Variants in LMNTD1 observed in about 807,000 individuals in gnomAD.
LMNTD1 encodes the protein lamin tail domain containing 1, also known as lamin tail domain-containing protein 1.
A neutral mutation model predicts 50.9 loss-of-function variants in LMNTD1; 35 were observed. That is an observed-to-expected ratio of 0.69 (90% CI 0.53 to 0.91). The LOEUF is 0.91. Among genes scored for constraint, LMNTD1 ranks in the 40% least tolerant of loss-of-function variants. The pLI, the probability that LMNTD1 is intolerant of heterozygous loss-of-function variation, is 0.00. For synonymous variants in LMNTD1, 153 were observed against 161.9 expected (o/e 0.94, Z 0.42); for missense variants, 470 against 475.5 (o/e 0.99, Z 0.11).
At chr12:25,587,887 A>C (rs4963900) in intron 1 of LMNTD1, among the ~76,000 whole-genome samples, 19,805 of 152,174 alleles carry the variant, frequency 0.13, 1,547 homozygotes, top group East Asian at 0.34. Context: ...ATATCAGTAC[A>C]TTTTTTAAAA....
chr12:25,546,223 T>C, intron 4 of LMNTD1, 151 bp downstream of exon 4: 1 of 401,756 alleles, frequency 2.5e-6, no homozygotes, highest in Non-Finnish European at 4.3e-6. Context: ...TTATTTTAAT[T>C]GCTCAGAAGA....
intron 1 of LMNTD1, among the ~76,000 whole-genome samples, chr12:25,631,857 G>C (rs1946725925): frequency 6.6e-6 from 1 of 152,030 alleles, no homozygotes; most frequent in Non-Finnish European, 1.5e-5. Flanking sequence ...AATCAGGGAG[G>C]GACCAGAGAA....
At chr12:25,511,624 C>T (rs1940302114) in intron 8 of LMNTD1, among the ~76,000 whole-genome samples, 2 of 152,180 alleles carry the variant, frequency 1.3e-5, no homozygotes, top group Non-Finnish European at 2.9e-5. Context: ...CTTTTAAACA[C>T]AGATCTAACT....
rs547211172 is a variant in LMNTD1 at position 25,591,050 on chromosome 12, A to G, written c.59-44496T>C. On this transcript the variant is annotated intron_variant, in intron 1 of 7. Transcript: ENST00000445693. ...ACTTGAGAAAAGTGAAGGGAAAAGC[A>G]AAGGAGACTTTGTCTTGTACCTTAG... Among the ~76,000 whole-genome samples the G allele has an allele frequency of 3.3e-5, 5 of 152,290 alleles. No homozygotes were observed. The South Asian group carries it at 1.0e-3, about 32-fold the overall frequency.
chr12:25,584,932 T>C (rs1474283581), intron 1 of LMNTD1, among the ~76,000 whole-genome samples: 1 of 152,244 alleles, frequency 6.6e-6, no homozygotes, highest in African/African-American at 2.4e-5. Flanking sequence ...ATTTTCAAAC[T>C]TTCTTTGCAT....
chr12:25,524,660 G>T (rs555743415), intron 6 of LMNTD1, among the ~76,000 whole-genome samples: 1 of 152,108 alleles, frequency 6.6e-6, no homozygotes, highest in Non-Finnish European at 1.5e-5. Context: ...TCTGAGATAA[G>T]AATGTCTTAA....
chr12:25,494,421 TTAAA>T (rs1465189046), intron 9 of LMNTD1, among the ~76,000 whole-genome samples: 3 of 152,038 alleles, frequency 2.0e-5, no homozygotes, highest in Non-Finnish European at 4.4e-5. Flanking sequence ...GCTGTAAAAT[TTAAA>T]TAACAGGCTG....
In LMNTD1 at chr12:25,616,091, A is replaced by G. The variant is rs535346499; in HGVS notation, c.58+32403T>C. ...CTCACCCTCCCACCCCGACACACAC[A>G]TAACACACACACACACACACACACA... On this transcript the variant is annotated intron_variant, in intron 1 of 7. Coordinates refer to the LMNTD1 transcript ENST00000445693. Among the ~76,000 whole-genome samples, 6 of 126,652 alleles carry G rather than the reference A, an allele frequency of 4.7e-5. No homozygotes were observed. In the East Asian group the frequency reaches 2.1e-3, roughly 45 times the overall value. The allele number at this position is 126,652 out of a possible 152,430, so 83.1% of individuals were successfully genotyped here. A position where few individuals can be genotyped will look rare whatever the true frequency, so the allele number is the denominator to read the frequency against.
upstream of LMNTD1, among the ~76,000 whole-genome samples, chr12:25,556,629 G>A (rs140712124): frequency 1.4e-3 from 219 of 152,186 alleles, no homozygotes; most frequent in Non-Finnish European, 2.5e-3. Context: ...TTTACCCCGC[G>A]TTGGGAAAGT....
intron 1 of LMNTD1, among the ~76,000 whole-genome samples, chr12:25,566,945 G>A (rs1377018334): frequency 6.6e-6 from 1 of 152,244 alleles, no homozygotes; most frequent in East Asian, 1.9e-4. Context: ...GTGCAAATGA[G>A]AGAATGGAAG....
intron 9 of LMNTD1, among the ~76,000 whole-genome samples, chr12:25,501,543 A>G (rs971888169): frequency 1.3e-5 from 2 of 152,138 alleles, no homozygotes; most frequent in Non-Finnish European, 2.9e-5. Context: ...TGGAAGAGCA[A>G]TGGCATCATG....
chr12:25,482,547 A>T (rs1938478833), intron 9 of LMNTD1, among the ~76,000 whole-genome samples: 2 of 152,068 alleles, frequency 1.3e-5, no homozygotes, highest in Admixed American at 6.5e-5. Flanking sequence ...AAAATCAGCT[A>T]AATTTTGAAT....
chr12:25,560,247 A>G (rs1944242621), intron 1 of LMNTD1, among the ~76,000 whole-genome samples: 1 of 152,214 alleles, frequency 6.6e-6, no homozygotes, highest in South Asian at 2.1e-4. Flanking sequence ...ATCCAGTTTC[A>G]GCTTTCTACA....
At chr12:25,561,403 A>C (rs896346071) in intron 1 of LMNTD1, among the ~76,000 whole-genome samples, 1 of 152,200 alleles carries the variant, frequency 6.6e-6, no homozygotes, top group Non-Finnish European at 1.5e-5. Context: ...TTATGTACCC[A>C]GTAGTCATTC....
chr12:25,484,215 G>C (rs12368110), intron 9 of LMNTD1, among the ~76,000 whole-genome samples: 32,940 of 151,832 alleles, frequency 0.22, 3,908 homozygotes, highest in Non-Finnish European at 0.26. Context: ...AAGTGTTTAC[G>C]TAGAAAAATA....
Position 25,543,634 on chromosome 12 carries a change from GT to G in LMNTD1, c.491+2739del, listed in dbSNP as rs59112716. ...CTTTTCTTCTACTAATTTTCAGTTT[GT>G]TTTTTTTTTCTTGCTTTCCTAGTTC... On this transcript the variant is annotated intron_variant, in intron 4 of 9. Coordinates refer to ENST00000458174, the MANE Select transcript of LMNTD1 (RefSeq NM_001145728.2). Among the ~76,000 whole-genome samples the G allele has an allele frequency of 1.9e-4, 27 of 145,854 alleles. 1 individual carries two copies. Among genetic ancestry groups the G allele is most frequent in the East Asian group, 6.0e-4 (3 of 5,012 alleles).
At chr12:25,527,673 T>C (rs1305821914) in intron 4 of LMNTD1, among the ~76,000 whole-genome samples, 95 of 21,406 alleles carry the variant, frequency 4.4e-3, no homozygotes, top group Non-Finnish European at 8.9e-3. Flanking sequence ...TATATATATA[T>C]ATATATATAC....
At chr12:25,589,486 A>T (rs1945634016) in intron 1 of LMNTD1, among the ~76,000 whole-genome samples, 1 of 152,164 alleles carries the variant, frequency 6.6e-6, no homozygotes, top group African/African-American at 2.4e-5. Flanking sequence ...GGAGGGAGAC[A>T]CAGGTGACTT....
chr12:25,632,338 C>T (rs1269592370), intron 1 of LMNTD1, among the ~76,000 whole-genome samples: 2 of 152,186 alleles, frequency 1.3e-5, no homozygotes, highest in Non-Finnish European at 2.9e-5. Flanking sequence ...CCTGGACACA[C>T]TGTCATCAGG....
Sources: gnomAD v4.1 joint callset for allele counts (sites outside exome capture counted in the v4.1 genomes callset) on GRCh38, gnomAD v4.1.1 for gene constraint, MANE v1.5 for transcripts, NCBI Gene and HGNC (gene_info 2026-07-23, HGNC 2026-07-21) for gene names.